SEPTIN10: variants seen among roughly 807,000 people sequenced by gnomAD.
SEPTIN10 encodes septin 10.
In SEPTIN10, 66 loss-of-function variants were observed where a neutral mutation model predicts 54.8. The ratio of observed to expected loss-of-function variants is 1.21; its 90% CI spans 0.99 to 1.48. The LOEUF is 1.48. SEPTIN10 is among the 40% of genes most tolerant of loss of function. The pLI is 0.00. For missense variants in SEPTIN10, 620 were observed against 545.6 expected, an observed-to-expected ratio of 1.14 and a Z score of -1.36; for synonymous variants, 161 against 181.0, an observed-to-expected ratio of 0.89 and a Z score of 0.89.
At chr2:109,613,725 G>A (rs1699822931) in intron 1 of SEPTIN10, 73 bp downstream of exon 1, 35 of 1,022,298 alleles carry the variant, frequency 3.4e-5, no homozygotes, top group Non-Finnish European at 4.2e-5. Context: ...CAGGGGGCCG[G>A]TGGGTCGAGG....
intron 2 of SEPTIN10, 48 bp downstream of exon 2, chr2:109,593,003 A>G: frequency 1.6e-6 from 2 of 1,281,294 alleles, no homozygotes; most frequent in South Asian, 1.8e-5. Flanking sequence ...TTAAAATCAT[A>G]GAAGCATTTA....
At chr2:109,598,299 C>G (rs1217522716) in intron 1 of SEPTIN10, among the ~76,000 whole-genome samples, 2 of 151,978 alleles carry the variant, frequency 1.3e-5, no homozygotes, top group African/African-American at 4.8e-5. Context: ...AACTCCCAAC[C>G]TCAGGTGATC....
chr2:109,575,913 T>A (rs922652292), intron 4 of SEPTIN10, among the ~76,000 whole-genome samples: 4 of 152,190 alleles, frequency 2.6e-5, no homozygotes, highest in African/African-American at 9.6e-5. Context: ...ATGCAAATGG[T>A]AAACAATGTG....
Position 109,585,133 on chromosome 2 carries a change from C to T in SEPTIN10, c.406G>A (p.Glu136Lys). ...CAAGAAGAAAACACATACCTCTCTTCTTTATTTATTTGGTCACCAAATCCC... is the reference window on the plus strand; with the variant it reads ...CAAGAAGAAAACACATACCTCTCTTTTTTATTTATTTGGTCACCAAATCCC... ...TVGFGDQINK[E>K]ESYQPIVDYI... Residue 136 changes from glutamate (E) to lysine (K), a missense_variant, in exon 4 of 11, where the codon GAA becomes AAA. Glu to Lys is a moderately conservative substitution (Grantham distance 56). Transcript: ENST00000397712. 1 of 1,571,538 alleles carries T rather than the reference C, an allele frequency of 6.4e-7. No homozygotes were observed. Among genetic ancestry groups the T allele is most frequent in the Non-Finnish European group, 8.6e-7 (1 of 1,160,104 alleles).
intron 8 of SEPTIN10, among the ~76,000 whole-genome samples, chr2:109,561,907 G>A (rs1380269626): frequency 6.6e-6 from 1 of 151,948 alleles, no homozygotes; most frequent in Non-Finnish European, 1.5e-5. Flanking sequence ...ATCACTTCAG[G>A]AGCCCAAGGC....
In SEPTIN10 at chr2:109,604,098, A is replaced by C. The variant is rs1573852820; in HGVS notation, c.30+9700T>G. ...AATGGTGTGAACCTGGGAGGTGGAG[A>C]TTGCAGTGAGCCGAGATCATGCCAC... On this transcript the variant is annotated intron_variant, in intron 1 of 10. Transcript: ENST00000397712. Among the ~76,000 whole-genome samples, 6 of 144,030 alleles carry C rather than the reference A, an allele frequency of 4.2e-5. 1 individual carries two copies. The highest frequency in any genetic ancestry group is 1.6e-4 in the African/African-American group (6 of 38,480). The allele number at this position is 144,030 out of a possible 152,430, so 94.5% of individuals were successfully genotyped here.
chr2:109,572,000 A>C (rs1485419112), intron 5 of SEPTIN10, among the ~76,000 whole-genome samples: 1 of 152,250 alleles, frequency 6.6e-6, no homozygotes, highest in Non-Finnish European at 1.5e-5. Flanking sequence ...TAATTTTTAA[A>C]TAAGTTTTAA....
intron 4 of SEPTIN10, 52 bp downstream of exon 4, chr2:109,585,074 G>GA: frequency 8.7e-7 from 1 of 1,148,936 alleles, no homozygotes; most frequent in Non-Finnish European, 1.2e-6. Flanking sequence ...GCTATAAGGC[G>GA]AATGTCTTGA....
In SEPTIN10 at chr2:109,565,833, T is replaced by G; in HGVS notation, c.789A>C (p.Gly263=). Residue 263 remains glycine, a synonymous_variant, in exon 7 of 11, where the codon GGA becomes GGC. Coordinates refer to ENST00000397712, the MANE Select transcript of SEPTIN10 (RefSeq NM_144710.5). ...TTCCGACTTTTACCTCATCCATACT[T>G]CCCACAACAGCAAACGGCAACTGTC... The part of the protein sequence containing the change: ...MNGQLPFAVV[G]SMDEVKVGNK... 1 of 1,613,946 alleles carries G rather than the reference T, an allele frequency of 6.2e-7. No individual in the cohort carries two copies. Among genetic ancestry groups the G allele is most frequent in the Non-Finnish European group, 8.5e-7 (1 of 1,179,970 alleles).
rs1689205266 is a variant in SEPTIN10, at chr2:109,574,624, A to C, written c.557T>G (p.Leu186Arg). Residue 186 changes from leucine to arginine, a missense_variant, in exon 5 of 11, where the codon CTG becomes CGG. Leu to Arg is a moderately radical substitution (Grantham distance 102). Coordinates refer to ENST00000397712, the MANE Select transcript of SEPTIN10 (RefSeq NM_144710.5). ...LYFISPTGHS[L>R]KTLDLLTMKN... Reference sequence around the variant, plus strand: ...CATGGTTAAGAGATCAAGTGTCTTCAGAGAGTGGCCTGTCGGTGAAATGAA... The same window carrying C: ...CATGGTTAAGAGATCAAGTGTCTTCCGAGAGTGGCCTGTCGGTGAAATGAA... 1 of 1,604,860 alleles carries C rather than the reference A, an allele frequency of 6.2e-7. No homozygotes were observed. Among genetic ancestry groups the C allele is most frequent in the Admixed American group, 1.7e-5 (1 of 58,626 alleles).
At chr2:109,613,382 G>A (rs1243512207) in intron 1 of SEPTIN10, 1 of 327,586 alleles carries the variant, frequency 3.1e-6, no homozygotes, top group Non-Finnish European at 6.0e-6. Context: ...AGGGGAGCCG[G>A]GCTTTCTCCC....
chr2:109,571,120 A>G (rs1278391958), intron 5 of SEPTIN10, among the ~76,000 whole-genome samples: 5 of 152,128 alleles, frequency 3.3e-5, no homozygotes, highest in East Asian at 1.9e-4. Flanking sequence ...CTCAGGTCAT[A>G]TAAGACATGC....
intron 10 of SEPTIN10, chr2:109,544,605 G>T: frequency 1.0e-6 from 1 of 953,010 alleles, no homozygotes; most frequent in African/African-American, 1.8e-5. Flanking sequence ...TTTCATATAG[G>T]GGAAAAAATG....
chr2:109,561,036 A>T lies in SEPTIN10; in HGVS notation c.1028+3330T>A, dbSNP rs569545167. On this transcript the variant is annotated intron_variant, in intron 8 of 10. Transcript: ENST00000397712. ...AGCAAATAATAATTTTTAAAATGCA[A>T]ATATTATATTATTCCTAAAATAGCG... Among the ~76,000 whole-genome samples, 4 of 152,192 alleles carry T rather than the reference A, an allele frequency of 2.6e-5. 1 individual carries two copies. Among genetic ancestry groups the T allele is most frequent in the African/African-American group, 9.6e-5 (4 of 41,470 alleles).
intron 8 of SEPTIN10, among the ~76,000 whole-genome samples, chr2:109,563,216 G>C (rs1415080426): frequency 2.0e-5 from 3 of 152,222 alleles, no homozygotes; most frequent in Middle Eastern, 3.4e-3. Context: ...CCGGCCATAA[G>C]TATATACAAT....
At chr2:109,595,338 A>G (rs946632238) in intron 1 of SEPTIN10, among the ~76,000 whole-genome samples, 7 of 152,334 alleles carry the variant, frequency 4.6e-5, no homozygotes, top group African/African-American at 1.2e-4. Context: ...TATGTAAATG[A>G]TACAAAGCAC....
chr2:109,599,632 C>T (rs1242403997), intron 1 of SEPTIN10, among the ~76,000 whole-genome samples: 1 of 152,060 alleles, frequency 6.6e-6, no homozygotes, highest in African/African-American at 2.4e-5. Context: ...ATTATACCAT[C>T]AAACTCCAAC....
intron 9 of SEPTIN10, among the ~76,000 whole-genome samples, chr2:109,550,882 C>T (rs765035008): frequency 1.3e-5 from 2 of 152,026 alleles, no homozygotes; most frequent in Admixed American, 6.5e-5. Context: ...TGTAAATTAC[C>T]GAGCATACTT....
chr2:109,606,794 C>A (rs1263841816), intron 1 of SEPTIN10, among the ~76,000 whole-genome samples: 1 of 146,018 alleles, frequency 6.8e-6, no homozygotes, highest in Non-Finnish European at 1.5e-5. Context: ...ATTCTCCTGC[C>A]TTAGCCTCCC....
Sources: allele counts gnomAD v4.1 joint callset (sites outside exome capture counted in the v4.1 genomes callset), GRCh38; gene constraint gnomAD v4.1.1; transcripts MANE v1.5; gene names NCBI Gene and HGNC (gene_info 2026-07-23, HGNC 2026-07-21).